The following TYR variants were observed in gnomAD, a reference collection of about 807,000 sequenced individuals.
The protein encoded by TYR is tyrosinase.
A neutral mutation model predicts 51.5 loss-of-function variants in TYR; 58 were observed. The ratio of observed to expected loss-of-function variants is 1.13; its 90% confidence interval spans 0.91 to 1.40. The LOEUF (loss-of-function observed/expected upper bound fraction) is 1.40, where lower values mean the gene tolerates loss of function less well. TYR is among the 40% of genes most tolerant of loss of function. The pLI is 0.00. For missense variants in TYR, 732 were observed against 647.4 expected, an observed-to-expected ratio of 1.13 and a Z score of -1.42; for synonymous variants, 263 against 235.2, an observed-to-expected ratio of 1.12 and a Z score of -1.08.
At chr11:89,213,166 A>G (rs554147233) in intron 2 of TYR, among the ~76,000 whole-genome samples, 26 of 152,222 alleles carry the variant, frequency 1.7e-4, no homozygotes, top group Non-Finnish European at 3.4e-4. Flanking sequence ...TGCAGATGAT[A>G]TGATTGTATA....
intron 3 of TYR, among the ~76,000 whole-genome samples, chr11:89,273,322 A>T (rs985498693): frequency 6.6e-6 from 1 of 151,724 alleles, no homozygotes; most frequent in Non-Finnish European, 1.5e-5. Context: ...CAATATTGCT[A>T]TGTGTCAGAG....
intron 2 of TYR, among the ~76,000 whole-genome samples, chr11:89,208,139 G>A (rs925835331): frequency 9.2e-5 from 14 of 152,066 alleles, no homozygotes; most frequent in Non-Finnish European, 1.2e-4. Context: ...ATGTGGTGGC[G>A]GGCACCTGTA....
chr11:89,195,017 C>T (rs770949869), intron 2 of TYR, among the ~76,000 whole-genome samples: 5 of 152,122 alleles, frequency 3.3e-5, no homozygotes, highest in African/African-American at 7.2e-5. Flanking sequence ...CACATTTTAT[C>T]TCACATCATG....
At chr11:89,193,286 C>T (rs1026511378) in intron 2 of TYR, among the ~76,000 whole-genome samples, 2 of 151,988 alleles carry the variant, frequency 1.3e-5, no homozygotes, top group African/African-American at 4.8e-5. Context: ...GGGTTAGTTG[C>T]AGAAATAAGG....
chr11:89,244,785 A>G (rs1045630544), intron 3 of TYR, among the ~76,000 whole-genome samples: 1 of 152,252 alleles, frequency 6.6e-6, no homozygotes, highest in Non-Finnish European at 1.5e-5. Flanking sequence ...TTCAACTAAC[A>G]TTAAGTACCC....
In TYR at chr11:89,240,421, TC is replaced by T. The variant is rs1380564577; in HGVS notation, c.1184+12453del. On this transcript the variant is annotated intron_variant, in intron 3 of 4. Transcript: ENST00000263321. ...CCTTTTTGTGAAATTTCTATTTACT[TC>T]CTTTGCTATTTTATATTACATTTTG... Among the ~76,000 whole-genome samples the T allele has an allele frequency of 2.6e-5, 4 of 152,290 alleles. No individual in the cohort carries two copies. The East Asian group carries it at 7.7e-4, about 29-fold the overall frequency.
Position 89,195,664 on chromosome 11 carries a change from C to A in TYR, c.1036+4246C>A, listed in dbSNP as rs1455857122. Among the ~76,000 whole-genome samples, 5 of 144,064 alleles carry A rather than the reference C, an allele frequency of 3.5e-5. No individual in the cohort carries two copies. In the East Asian group the frequency reaches 9.8e-4, roughly 28 times the overall value. The allele number at this position is 144,064 out of a possible 152,430, so 94.5% of individuals were successfully genotyped here. On this transcript the variant is annotated intron_variant, in intron 2 of 4. Coordinates refer to ENST00000263321, the MANE Select transcript of TYR (RefSeq NM_000372.5). The stretch of plus-strand genomic sequence containing the variant: ...ACTGCACTCCAGCCTGAGTGAGACT[C>A]TTCCCATAAATAAATAAATAAATAA...
At chr11:89,272,841 GCTC>G (rs1428468530) in intron 3 of TYR, among the ~76,000 whole-genome samples, 1 of 151,788 alleles carries the variant, frequency 6.6e-6, no homozygotes, top group African/African-American at 2.4e-5. Flanking sequence ...ATGAAGATGG[GCTC>G]TTTTCTTAAA....
At chr11:89,221,898 G>A (rs2135277405) in intron 2 of TYR, among the ~76,000 whole-genome samples, 1 of 152,228 alleles carries the variant, frequency 6.6e-6, no homozygotes, top group East Asian at 1.9e-4. Flanking sequence ...TCATATTTCA[G>A]ACTCTTAGCA....
rs185211746 is a variant in TYR, at chr11:89,241,708, G to A, written c.1184+13738G>A. ...TATCACTACAATTATATAAAGTATT[G>A]CAGTCCATTTGTATAGATGTTAATA... is the stretch of plus-strand genomic sequence containing the variant. On this transcript the variant is annotated intron_variant, in intron 3 of 4. Transcript: ENST00000263321. Among the ~76,000 whole-genome samples, 143 of 148,562 alleles carry A rather than the reference G, an allele frequency of 9.6e-4. 1 individual carries two copies. The East Asian group carries it at 0.024, about 25-fold the overall frequency.
chr11:89,276,545 T>C (rs1359184424), intron 3 of TYR, among the ~76,000 whole-genome samples: 1 of 151,798 alleles, frequency 6.6e-6, no homozygotes, highest in Non-Finnish European at 1.5e-5. Flanking sequence ...TCCTTCGTTG[T>C]ATTTCTTATG....
intron 3 of TYR, among the ~76,000 whole-genome samples, chr11:89,233,587 A>G (rs1074305): frequency 0.058 from 8,219 of 141,338 alleles, 2,165 homozygotes; most frequent in African/African-American, 0.22. Context: ...ATAAGATTTG[A>G]AAGTCCAGAT....
chr11:89,243,395 T>C (rs1480150581), intron 3 of TYR, among the ~76,000 whole-genome samples: 2 of 152,226 alleles, frequency 1.3e-5, no homozygotes, highest in East Asian at 3.9e-4. Context: ...AGTCAAGAGG[T>C]AGTTCAAGCA....
chr11:89,280,078 C>G (rs1253135423), intron 3 of TYR, among the ~76,000 whole-genome samples: 1 of 151,632 alleles, frequency 6.6e-6, no homozygotes, highest in African/African-American at 2.4e-5. Flanking sequence ...CAGTTGACTA[C>G]TCTGTTCCTT....
rs187340343 is a variant in TYR at position 89,212,169 on chromosome 11, A to G, written c.1037-15654A>G. Among the ~76,000 whole-genome samples, 603 of 152,294 alleles carry G rather than the reference A, an allele frequency of 4.0e-3. 5 individuals are homozygous for G. Among genetic ancestry groups the G allele is most frequent in the African/African-American group, 0.014 (576 of 41,568 alleles). On this transcript the variant is annotated intron_variant, in intron 2 of 4. Coordinates refer to ENST00000263321, the MANE Select transcript of TYR (RefSeq NM_000372.5). Reference sequence around the variant, plus strand: ...TGAATCCACGAGCTGTTTTTTTGAAAAGATCAACAAAATAGATAGAACATT... The same window carrying G: ...TGAATCCACGAGCTGTTTTTTTGAAGAGATCAACAAAATAGATAGAACATT...
chr11:89,259,081 A>T (rs1368227276), intron 3 of TYR, among the ~76,000 whole-genome samples: 2 of 152,086 alleles, frequency 1.3e-5, no homozygotes, highest in Admixed American at 6.6e-5. Context: ...ATTAACAGAT[A>T]TGGAAGTCTG....
intron 3 of TYR, among the ~76,000 whole-genome samples, chr11:89,228,871 A>AT (rs1234563167): frequency 6.6e-6 from 1 of 152,086 alleles, no homozygotes; most frequent in Non-Finnish European, 1.5e-5. Flanking sequence ...TACTCTTGAA[A>AT]TTTTCAAGAA....
intron 4 of TYR, among the ~76,000 whole-genome samples, chr11:89,285,183 C>T (rs1243675928): frequency 6.6e-6 from 1 of 151,378 alleles, no homozygotes; most frequent in African/African-American, 2.4e-5. Context: ...ACATGGCAAC[C>T]ATGTGAAGAG....
intron 2 of TYR, among the ~76,000 whole-genome samples, chr11:89,198,952 A>G (rs1943561254): frequency 6.6e-6 from 1 of 151,484 alleles, no homozygotes; most frequent in South Asian, 2.1e-4. Flanking sequence ...AATGTTCCCC[A>G]CCCTGTGTCC....
Sources: allele counts gnomAD v4.1 joint callset (sites outside exome capture counted in the v4.1 genomes callset), GRCh38; gene constraint gnomAD v4.1.1; transcripts MANE v1.5; gene names NCBI Gene and HGNC (gene_info 2026-07-23, HGNC 2026-07-21).